Variants in ASTN2 observed in about 807,000 individuals in gnomAD.
ASTN2 encodes astrotactin-2.
In ASTN2, 54 loss-of-function variants were observed where a neutral mutation model predicts 139.8. The observed-to-expected ratio is 0.39, with a 90% CI of 0.31 to 0.48. ASTN2 has a LOEUF of 0.48. Among genes scored for constraint, ASTN2 ranks in the 20% least tolerant of loss-of-function variants. The probability of loss-of-function intolerance (pLI) is 0.95; values close to 1 mark genes in which losing one functional copy is unlikely to be tolerated. For synonymous variants in ASTN2, 756 were observed against 719.5 expected, an observed-to-expected ratio of 1.05 and a Z score of -0.81; for missense variants, 1,565 against 1,725.1, an observed-to-expected ratio of 0.91 and a Z score of 1.64.
chr9:116,745,081 A>G (rs550417581), intron 13 of ASTN2, among the ~76,000 whole-genome samples: 1 of 152,308 alleles, frequency 6.6e-6, no homozygotes, highest in East Asian at 1.9e-4. Context: ...GCCCATACCC[A>G]TGGGTCCACT....
intron 1 of ASTN2, among the ~76,000 whole-genome samples, chr9:117,325,476 G>T (rs1459356160): frequency 6.6e-6 from 1 of 152,064 alleles, no homozygotes; most frequent in Non-Finnish European, 1.5e-5. Context: ...CATAACAAAG[G>T]AGCTGGACAC....
intron 1 of ASTN2, among the ~76,000 whole-genome samples, chr9:117,358,336 C>A (rs1030229102): frequency 6.6e-6 from 1 of 151,562 alleles, no homozygotes; most frequent in African/African-American, 2.4e-5. Flanking sequence ...GGCCACAAAG[C>A]AAATCTGGGG....
At chr9:116,471,595 C>T (rs1379005428) in intron 20 of ASTN2, among the ~76,000 whole-genome samples, 2 of 150,686 alleles carry the variant, frequency 1.3e-5, no homozygotes, top group African/African-American at 4.9e-5. Flanking sequence ...GGAAGTTGGG[C>T]AGTAAAGGGG....
intron 1 of ASTN2, among the ~76,000 whole-genome samples, chr9:117,373,240 A>G (rs1205337188): frequency 6.6e-6 from 1 of 152,142 alleles, no homozygotes; most frequent in Non-Finnish European, 1.5e-5. Flanking sequence ...TCCTTAAAAG[A>G]CTTCTATAGA....
intron 19 of ASTN2, among the ~76,000 whole-genome samples, chr9:116,526,855 C>A (rs927491500): frequency 6.6e-6 from 1 of 152,080 alleles, no homozygotes; most frequent in African/African-American, 2.4e-5. Flanking sequence ...GACACAAAGA[C>A]CAATGAAACA....
At chr9:116,907,627 G>C (rs955562427) in intron 10 of ASTN2, among the ~76,000 whole-genome samples, 5 of 152,198 alleles carry the variant, frequency 3.3e-5, no homozygotes, top group African/African-American at 1.2e-4. Flanking sequence ...TGGATGGCGG[G>C]TAATATCCGT....
chr9:116,615,517 C>G (rs1462035545), intron 19 of ASTN2, among the ~76,000 whole-genome samples: 1 of 152,124 alleles, frequency 6.6e-6, no homozygotes, highest in Non-Finnish European at 1.5e-5. Context: ...AAATGTGGCA[C>G]ATATACACCA....
intron 16 of ASTN2, among the ~76,000 whole-genome samples, chr9:116,685,193 C>G (rs1860123891): frequency 6.6e-6 from 1 of 152,180 alleles, no homozygotes; most frequent in African/African-American, 2.4e-5. Flanking sequence ...TCAATAAACT[C>G]ACTCATCTGA....
At chr9:116,997,818 A>G (rs1837068520) in intron 7 of ASTN2, among the ~76,000 whole-genome samples, 1 of 152,194 alleles carries the variant, frequency 6.6e-6, no homozygotes, top group Admixed American at 6.5e-5. Context: ...TAAGTGCCTA[A>G]TAATTTTAGA....
At chr9:116,572,951 G>C (rs17292519) in intron 19 of ASTN2, among the ~76,000 whole-genome samples, 142,268 of 152,024 alleles carry the variant, frequency 0.94, 66,607 homozygotes, top group East Asian at 0.96. Flanking sequence ...ACAGCCTCAA[G>C]AGGAAGAGAA....
In ASTN2 at chr9:117,039,971, A is replaced by C; in HGVS notation, c.1277-6T>G. 6 of 1,609,060 alleles carry C rather than the reference A, an allele frequency of 3.7e-6. No individual in the cohort carries two copies. The highest frequency in any genetic ancestry group is 5.1e-6 in the Non-Finnish European group (6 of 1,177,202). On this transcript the variant is annotated splice_region_variant and splice_polypyrimidine_tract_variant and intron_variant, in intron 5 of 22. Transcript: ENST00000313400. ...CACTGGGCTTTTCAGCAAACCTGGTAACAAGAACATACACAAAGACACAAA... is the reference window on the plus strand; with the variant it reads ...CACTGGGCTTTTCAGCAAACCTGGTCACAAGAACATACACAAAGACACAAA...
rs181569263 is a variant in ASTN2 at position 116,649,999 on chromosome 9, C to T, written c.3072+1529G>A. On this transcript the variant is annotated intron_variant, in intron 17 of 22. Coordinates refer to ENST00000313400, the MANE Select transcript of ASTN2 (RefSeq NM_001365068.1). ...GGTCATCTACCTGACACTTTCCCTA[C>T]CTCCTTTCTCCCATGCCTTCTCTTT... 1.8e-4 allele frequency among the ~76,000 whole-genome samples: 27 copies of T among 152,302 alleles called. No homozygotes were observed. In the East Asian group the frequency reaches 4.6e-3, roughly 26 times the overall value.
intron 1 of ASTN2, among the ~76,000 whole-genome samples, chr9:117,390,968 C>G (rs760930994): frequency 3.9e-5 from 6 of 152,140 alleles, no homozygotes; most frequent in Non-Finnish European, 5.9e-5. Flanking sequence ...GATCCCAGGT[C>G]CTGGTATTTT....
intron 19 of ASTN2, among the ~76,000 whole-genome samples, chr9:116,528,466 T>C (rs559626809): frequency 6.6e-6 from 1 of 152,298 alleles, no homozygotes; most frequent in Admixed American, 6.5e-5. Flanking sequence ...TTGGAACTTA[T>C]GTTTAAAAGA....
chr9:117,095,098 T>C (rs942177870), intron 5 of ASTN2, among the ~76,000 whole-genome samples: 2 of 152,198 alleles, frequency 1.3e-5, no homozygotes, highest in Non-Finnish European at 2.9e-5. Context: ...CCAGTTTCCC[T>C]GCCACATGAC....
At chr9:116,980,292 G>A (rs1475603612) in intron 7 of ASTN2, among the ~76,000 whole-genome samples, 1 of 151,936 alleles carries the variant, frequency 6.6e-6, no homozygotes. Context: ...ACAATTAGCT[G>A]ATGGTCATAC....
intron 13 of ASTN2, among the ~76,000 whole-genome samples, chr9:116,785,242 T>C (rs972401159): frequency 2.0e-5 from 3 of 152,146 alleles, no homozygotes; most frequent in African/African-American, 7.2e-5. Flanking sequence ...ACCTCTCCGA[T>C]GTTAAACTGC....
At chr9:117,281,252 C>T (rs1834316928) in intron 2 of ASTN2, among the ~76,000 whole-genome samples, 1 of 152,138 alleles carries the variant, frequency 6.6e-6, no homozygotes, top group African/African-American at 2.4e-5. Flanking sequence ...ATGTGGATCT[C>T]TCGCCTCATT....
chr9:117,243,821 A>G (rs1235061907), intron 2 of ASTN2, among the ~76,000 whole-genome samples: 1 of 152,150 alleles, frequency 6.6e-6, no homozygotes, highest in Admixed American at 6.5e-5. Flanking sequence ...ACTGTCAGAT[A>G]CTTCAAGGTG....
Sources: allele counts gnomAD v4.1 joint callset (sites outside exome capture counted in the v4.1 genomes callset), GRCh38; gene constraint gnomAD v4.1.1; transcripts MANE v1.5; gene names NCBI Gene and HGNC (gene_info 2026-07-23, HGNC 2026-07-21).